Variants in OXNAD1 observed in about 807,000 individuals in gnomAD.
OXNAD1 encodes oxidoreductase NAD-binding domain-containing protein 1.
In OXNAD1, 34 loss-of-function variants were observed where a neutral mutation model predicts 32.9. The observed-to-expected ratio is 1.03, with a 90% CI of 0.79 to 1.38. OXNAD1 has a LOEUF of 1.38. OXNAD1 is among the 40% of genes most tolerant of loss of function. The pLI is 0.00. For missense variants in OXNAD1, 407 were observed against 379.4 expected (o/e 1.07, Z -0.60); for synonymous variants, 134 against 135.2 (o/e 0.99, Z 0.06).
intron 4 of OXNAD1, among the ~76,000 whole-genome samples, chr3:16,274,464 A>G (rs1575056744): frequency 2.0e-5 from 3 of 152,346 alleles, no homozygotes; most frequent in South Asian, 2.1e-4. Flanking sequence ...ATACATAACT[A>G]TAGCCAAAAG....
At chr3:16,337,985 A>G (rs1283477446), downstream of OXNAD1, among the ~76,000 whole-genome samples, 1 of 152,174 alleles carries the variant, frequency 6.6e-6, no homozygotes, top group Non-Finnish European at 1.5e-5. This position sits in a 1 kb window ranked among gnomAD's most constrained non-coding sequence, Gnocchi z 5.0. Flanking sequence ...AGAGAGAGAT[A>G]AAAACCCACA....
At chr3:16,276,279 A>T (rs2065313127) in intron 4 of OXNAD1, 1 of 214,422 alleles carries the variant, frequency 4.7e-6, no homozygotes, top group Non-Finnish European at 9.4e-6. Context: ...AATACAAGTG[A>T]TTTTTCTGAT....
At chr3:16,294,575 T>C (rs556132104) in intron 5 of OXNAD1, among the ~76,000 whole-genome samples, 1 of 152,324 alleles carries the variant, frequency 6.6e-6, no homozygotes, top group African/African-American at 2.4e-5. Flanking sequence ...TTGTTATGGG[T>C]CTGCTCAGAT....
Position 16,269,254 on chromosome 3 carries a change from T to G in OXNAD1, c.-30T>G, listed in dbSNP as rs1447387978. 2 of 1,535,434 alleles carry G rather than the reference T, an allele frequency of 1.3e-6. No individual in the cohort carries two copies. Among genetic ancestry groups the G allele is most frequent in the South Asian group, 2.4e-5 (2 of 84,038 alleles). On this transcript the variant is annotated 5_prime_UTR_variant, in exon 2 of 9. An upstream open reading frame in the 5' UTR loses its in-frame stop. Transcript: ENST00000285083. ...AGCTGACCATATACTTAATGACTCCTAAAATCTCGTGGACTTCTAAGGTAA... is the reference window on the plus strand; with the variant it reads ...AGCTGACCATATACTTAATGACTCCGAAAATCTCGTGGACTTCTAAGGTAA...
At chr3:16,274,665 T>C (rs756054118) in intron 4 of OXNAD1, among the ~76,000 whole-genome samples, 4 of 152,234 alleles carry the variant, frequency 2.6e-5, no homozygotes, top group African/African-American at 7.2e-5. Context: ...TTTTATAGAT[T>C]AGGGACTGAG....
rs971809114 is a variant in OXNAD1 at position 16,288,848 on chromosome 3, A to C, written c.290+2400A>C. 6.6e-6 allele frequency among the ~76,000 whole-genome samples: 1 copy of C among 152,122 alleles called. No individual in the cohort carries two copies. Among genetic ancestry groups the C allele is most frequent in the Non-Finnish European group, 1.5e-5 (1 of 68,016 alleles). On this transcript the variant is annotated intron_variant, in intron 5 of 8. Transcript: ENST00000285083. This position sits in a 1 kb window ranked among gnomAD's most constrained non-coding sequence, Gnocchi z 5.1. ...ACTCTTGGGTCTGGAGCATGCCACC[A>C]CTGGTCCTCACACAGTGTGCAGCTG...
intron 9 of OXNAD1, among the ~76,000 whole-genome samples, chr3:16,330,202 T>C (rs1157691595): frequency 6.6e-6 from 1 of 152,148 alleles, no homozygotes; most frequent in African/African-American, 2.4e-5. Flanking sequence ...CATCACATGG[T>C]GAGTTGACAA....
At position 16,312,596 on chromosome 3, in the gene OXNAD1, C is replaced by CT. The variant is rs1484442151; in HGVS notation, c.*30+9005dup. Among the ~76,000 whole-genome samples the CT allele has an allele frequency of 2.0e-5, 3 of 152,218 alleles. No individual in the cohort carries two copies. Among genetic ancestry groups the CT allele is most frequent in the Non-Finnish European group, 4.4e-5 (3 of 68,036 alleles). On this transcript the variant is annotated intron_variant, in intron 9 of 9. Coordinates refer to the OXNAD1 transcript ENST00000435829. The surrounding 1 kb of genome is among the most constrained non-coding windows in gnomAD (Gnocchi z 4.7). ...CTGCAGCACAGTGCCCCTATGCCAG[C>CT]TAGGAGCTCAGCTAGAGTGGGTTGC...
At chr3:16,279,395 C>A (rs1270939609) in intron 4 of OXNAD1, among the ~76,000 whole-genome samples, 1 of 152,102 alleles carries the variant, frequency 6.6e-6, no homozygotes, top group Non-Finnish European at 1.5e-5. Context: ...AGTTTAGCAG[C>A]TCTGTAATCA....
In OXNAD1 at chr3:16,306,086, G is replaced by A. The variant is rs1447791389; in HGVS notation, c.*2524G>A. 6.6e-6 allele frequency: 1 copy of A among 151,278 alleles called. No homozygotes were observed. Among genetic ancestry groups the A allele is most frequent in the Admixed American group, 6.6e-5 (1 of 15,266 alleles). 9.4% of individuals were successfully genotyped at this position (151,278 alleles called of 1,614,324 possible). On this transcript the variant is annotated 3_prime_UTR_variant, in exon 9 of 9. Transcript: ENST00000285083. ...AGCTGGATTAAAGTGACTTCTTAAG[G>A]ATCCTCTGGCTCTATGAGTTTGAAA...
In OXNAD1 at chr3:16,344,897, G is replaced by T. The variant is rs886660331; in HGVS notation, c.*31-4279G>T. On this transcript the variant is annotated intron_variant, in intron 9 of 9. Transcript: ENST00000606098. This position sits in a 1 kb window ranked among gnomAD's most constrained non-coding sequence, Gnocchi z 4.4. ...CACCCCCCAACCTTTTATGCTCACT[G>T]ATTTAATATACTTCAGTTCTCTCTG... 6.6e-6 allele frequency among the ~76,000 whole-genome samples: 1 copy of T among 152,238 alleles called. No individual in the cohort carries two copies. Among genetic ancestry groups the T allele is most frequent in the Non-Finnish European group, 1.5e-5 (1 of 68,036 alleles).
At position 16,268,313 on chromosome 3, in the gene OXNAD1, C is replaced by CTTTTTTTTTTTTTTT. The variant is rs531751365; in HGVS notation, c.-158-794_-158-780dup. 1.5e-4 allele frequency among the ~76,000 whole-genome samples: 9 copies of CTTTTTTTTTTTTTTT among 60,926 alleles called. 1 individual carries two copies. The highest frequency in any genetic ancestry group is 2.5e-4 in the African/African-American group (5 of 20,346). The allele number at this position is 60,926 out of a possible 152,430, so 40.0% of individuals were successfully genotyped here. ...AATCTTAGGATTTTAAAGAGAACTCCTTTTTTTTTTTTTTTTTTTTTTTTT... is the reference window on the plus strand; with the variant it reads ...AATCTTAGGATTTTAAAGAGAACTCCTTTTTTTTTTTTTTTTTTTTTTTTTTTTTTTTTTTTTTTT... On this transcript the variant is annotated intron_variant, in intron 1 of 8. Coordinates refer to ENST00000285083, the MANE Select transcript of OXNAD1 (RefSeq NM_138381.5).
In OXNAD1 at chr3:16,304,571, A is replaced by C. The variant is rs1251786933; in HGVS notation, c.*1009A>C. ...GCCTCATCCCAAAGCTGCTCTGATG[A>C]AACTGCTAGAAAGCAGATTGTAGTT... On this transcript the variant is annotated 3_prime_UTR_variant, in exon 9 of 9. Coordinates refer to ENST00000285083, the MANE Select transcript of OXNAD1 (RefSeq NM_138381.5). The surrounding 1 kb of genome is among the most constrained non-coding windows in gnomAD (Gnocchi z 4.6). 6.6e-5 allele frequency: 10 copies of C among 152,228 alleles called. No homozygotes were observed. Among genetic ancestry groups the C allele is most frequent in the Admixed American group, 6.5e-4 (10 of 15,286 alleles). 9.4% of individuals were successfully genotyped at this position (152,228 alleles called of 1,614,324 possible).
chr3:16,310,989 T>TC (rs1243587222), downstream of OXNAD1, among the ~76,000 whole-genome samples: 162 of 40,692 alleles, frequency 4.0e-3, no homozygotes, highest in African/African-American at 0.02. Flanking sequence ...AAACTCAGTC[T>TC]CCAAAAAAAA....
In OXNAD1 at chr3:16,296,856, C is replaced by T. The variant is rs184281716; in HGVS notation, c.432+1859C>T. 5.5e-4 allele frequency among the ~76,000 whole-genome samples: 84 copies of T among 152,136 alleles called. No individual in the cohort carries two copies. In the South Asian group the frequency reaches 0.011, roughly 20 times the overall value. On this transcript the variant is annotated intron_variant, in intron 6 of 8. Transcript: ENST00000285083. ...CTTTATATTCAGAATTAACTCAAAA[C>T]GGATTGTAGATCTAAATGTAAAACA...
In OXNAD1 at chr3:16,301,966, A is replaced by G; in HGVS notation, c.675+98A>G. Reference sequence around the variant, plus strand: ...GGTTTTGTTTTCTCTGCAAAGGTTCAAACAAAAGGCTTGGCAAGATTTAAT... The same window carrying G: ...GGTTTTGTTTTCTCTGCAAAGGTTCGAACAAAAGGCTTGGCAAGATTTAAT... On this transcript the variant is annotated intron_variant, in intron 7 of 8. Transcript: ENST00000285083. This position sits in a 1 kb window ranked among gnomAD's most constrained non-coding sequence, Gnocchi z 4.1. 1 of 1,457,210 alleles carries G rather than the reference A, an allele frequency of 6.9e-7. No individual in the cohort carries two copies. 90.3% of individuals were successfully genotyped at this position (1,457,210 alleles called of 1,614,324 possible).
rs531751365 is a variant in OXNAD1, at chr3:16,268,313, C to CTTTTTTTTTTTTT, written c.-158-792_-158-780dup. The stretch of plus-strand genomic sequence containing the variant: ...AATCTTAGGATTTTAAAGAGAACTC[C>CTTTTTTTTTTTTT]TTTTTTTTTTTTTTTTTTTTTTTTT... On this transcript the variant is annotated intron_variant, in intron 1 of 8. Transcript: ENST00000285083. Among the ~76,000 whole-genome samples, 8 of 61,004 alleles carry CTTTTTTTTTTTTT rather than the reference C, an allele frequency of 1.3e-4. 2 individuals are homozygous for CTTTTTTTTTTTTT. The highest frequency in any genetic ancestry group is 5.4e-4 in the Admixed American group (2 of 3,676). 40.0% of individuals were successfully genotyped at this position (61,004 alleles called of 152,430 possible). A position where few individuals can be genotyped will look rare whatever the true frequency, so the allele number is the denominator to read the frequency against.
intron 9 of OXNAD1, among the ~76,000 whole-genome samples, chr3:16,333,885 G>A (rs1335487988): frequency 6.6e-6 from 1 of 152,230 alleles, no homozygotes; most frequent in East Asian, 1.9e-4. Context: ...AAAACTACCA[G>A]CCGGGCGTGG....
downstream of OXNAD1, among the ~76,000 whole-genome samples, chr3:16,310,268 AGTT>A (rs1162855314): frequency 1.3e-5 from 2 of 152,310 alleles, no homozygotes; most frequent in Admixed American, 6.5e-5. Context: ...TAAGTTTGCT[AGTT>A]GTTCTTTCTT....
Sources: allele counts gnomAD v4.1 joint callset (sites outside exome capture counted in the v4.1 genomes callset), GRCh38; gene constraint gnomAD v4.1.1; non-coding constraint Gnocchi (gnomAD v3.1); transcripts MANE v1.5; gene names NCBI Gene and HGNC (gene_info 2026-07-23, HGNC 2026-07-21).